PRICKLE2: variants seen among roughly 807,000 people sequenced by gnomAD.
PRICKLE2 encodes prickle-like protein 2.
In PRICKLE2, 21 loss-of-function variants were observed where a neutral mutation model predicts 81.4. That is an observed-to-expected ratio of 0.26 (90% confidence interval 0.18 to 0.37). The LOEUF (loss-of-function observed/expected upper bound fraction) is 0.37, where lower values mean the gene tolerates loss of function less well. Ranked by LOEUF, PRICKLE2 falls within the 10% of genes least tolerant of loss-of-function variation. PRICKLE2 has a pLI of 1.00. For missense variants in PRICKLE2, 940 were observed against 1,109.0 expected, an observed-to-expected ratio of 0.85 and a Z score of 2.16; for synonymous variants, 456 against 421.5, an observed-to-expected ratio of 1.08 and a Z score of -1.00.
intron 2 of PRICKLE2, among the ~76,000 whole-genome samples, chr3:64,180,399 C>T (rs768418372): frequency 2.0e-5 from 3 of 152,156 alleles, no homozygotes; most frequent in Admixed American, 1.3e-4. Flanking sequence ...ACTGCTACCA[C>T]GATCCTTCTC....
chr3:64,204,164 A>G (rs976550241), intron 1 of PRICKLE2, among the ~76,000 whole-genome samples: 7 of 152,168 alleles, frequency 4.6e-5, no homozygotes, highest in Admixed American at 2.0e-4. Context: ...TACAATACAC[A>G]TAACAAGCCT....
At chr3:64,191,612 G>A (rs1456594016) in intron 2 of PRICKLE2, among the ~76,000 whole-genome samples, 2 of 152,222 alleles carry the variant, frequency 1.3e-5, no homozygotes, top group African/African-American at 2.4e-5. Context: ...AGTATTAAAT[G>A]AGACAATGCA....
intron 2 of PRICKLE2, among the ~76,000 whole-genome samples, chr3:64,253,393 T>G (rs1471128045): frequency 3.9e-5 from 6 of 152,124 alleles, no homozygotes; most frequent in Non-Finnish European, 8.8e-5. Context: ...CACACAGCTG[T>G]TCAGACACCT....
chr3:64,206,305 C>G (rs695938), intron 1 of PRICKLE2, among the ~76,000 whole-genome samples: 1 of 152,050 alleles, frequency 6.6e-6, no homozygotes, highest in Non-Finnish European at 1.5e-5. Context: ...GCCTCCTAGT[C>G]AGAAAGGAGT....
At chr3:64,265,269 A>G (rs866360468) in intron 2 of PRICKLE2, among the ~76,000 whole-genome samples, 7 of 152,234 alleles carry the variant, frequency 4.6e-5, no homozygotes, top group Admixed American at 1.3e-4. Flanking sequence ...AAAATATCAA[A>G]GAAACTTTTT....
chr3:64,172,466 T>C (rs2077949741), intron 2 of PRICKLE2, among the ~76,000 whole-genome samples: 1 of 152,248 alleles, frequency 6.6e-6, no homozygotes, highest in Non-Finnish European at 1.5e-5. Flanking sequence ...ATAATGGATG[T>C]AACACTTACC....
intron 2 of PRICKLE2, among the ~76,000 whole-genome samples, chr3:64,176,583 C>A (rs1451500117): frequency 6.6e-6 from 1 of 152,146 alleles, no homozygotes; most frequent in African/African-American, 2.4e-5. Context: ...AGAAAGAATT[C>A]TTTTTGCAAG....
At chr3:64,251,633 G>A (rs1000432148) in intron 2 of PRICKLE2, among the ~76,000 whole-genome samples, 2 of 152,182 alleles carry the variant, frequency 1.3e-5, no homozygotes, top group African/African-American at 4.8e-5. Flanking sequence ...TACAGGGCAG[G>A]GGAGAAGCAT....
intron 2 of PRICKLE2, among the ~76,000 whole-genome samples, chr3:64,192,008 A>T (rs2078351777): frequency 6.6e-6 from 1 of 152,236 alleles, no homozygotes; most frequent in African/African-American, 2.4e-5. Flanking sequence ...CGTTGGCAAG[A>T]TGTCACCCTC....
At chr3:64,185,799 T>C (rs1330191211) in intron 2 of PRICKLE2, among the ~76,000 whole-genome samples, 2 of 152,200 alleles carry the variant, frequency 1.3e-5, no homozygotes, top group African/African-American at 4.8e-5. Flanking sequence ...TATCAACATA[T>C]AATAAATCAC....
chr3:64,219,976 T>G (rs1337168687), intron 1 of PRICKLE2, among the ~76,000 whole-genome samples: 1 of 152,200 alleles, frequency 6.6e-6, no homozygotes, highest in East Asian at 1.9e-4. Flanking sequence ...GCATCTTTCG[T>G]AGCAAACACT....
At chr3:64,161,084 G>A (rs1012441876) in intron 3 of PRICKLE2, among the ~76,000 whole-genome samples, 5 of 151,906 alleles carry the variant, frequency 3.3e-5, no homozygotes, top group African/African-American at 1.2e-4. Flanking sequence ...AGAGATCCCT[G>A]ACGCTCCTAC....
intron 7 of PRICKLE2, chr3:64,104,720 A>G (rs1173102150): frequency 6.6e-6 from 1 of 152,248 alleles, no homozygotes; most frequent in East Asian, 1.9e-4. Context: ...ATCTACTATC[A>G]GTTTCACCTA....
chr3:64,252,317 A>G (rs926791037), intron 2 of PRICKLE2, among the ~76,000 whole-genome samples: 1 of 152,200 alleles, frequency 6.6e-6, no homozygotes, highest in East Asian at 1.9e-4. Flanking sequence ...TTCTCCCAGG[A>G]AAGTTCAAGC....
At chr3:64,185,144 A>G (rs2078201451) in intron 2 of PRICKLE2, among the ~76,000 whole-genome samples, 1 of 152,190 alleles carries the variant, frequency 6.6e-6, no homozygotes, top group Non-Finnish European at 1.5e-5. Context: ...TTTGATCATC[A>G]ACCCTGAGGA....
At chr3:64,136,471 C>G (rs190969213) in intron 7 of PRICKLE2, among the ~76,000 whole-genome samples, 118 of 149,422 alleles carry the variant, frequency 7.9e-4, no homozygotes, top group African/African-American at 2.8e-3. Flanking sequence ...CCTAGATGAA[C>G]GTAGTGTAAG....
At chr3:64,210,486 T>G (rs1575670777) in intron 1 of PRICKLE2, among the ~76,000 whole-genome samples, 1 of 151,960 alleles carries the variant, frequency 6.6e-6, no homozygotes, top group African/African-American at 2.4e-5. Flanking sequence ...GTGTGCTGAG[T>G]GCCAAGACCA....
chr3:64,226,273 G>GAAT (rs2079030459), upstream of PRICKLE2, among the ~76,000 whole-genome samples: 1 of 152,134 alleles, frequency 6.6e-6, no homozygotes, highest in South Asian at 2.1e-4. Flanking sequence ...AGCTTTTGTT[G>GAAT]AATACCTTTG....
chr3:64,099,963 G>T lies in PRICKLE2; in HGVS notation c.1661-38C>A. 1 of 1,606,168 alleles carries T rather than the reference G, an allele frequency of 6.2e-7. No individual in the cohort carries two copies. Among genetic ancestry groups the T allele is most frequent in the East Asian group, 2.2e-5 (1 of 44,824 alleles). ...GGAGGGGACCACAGAGATTAATACA[G>T]ATGTGCAGCAATGGGTATCACTGTC... On this transcript the variant is annotated intron_variant, in intron 7 of 7. Transcript: ENST00000638394. This position sits in a 1 kb window ranked among gnomAD's most constrained non-coding sequence, Gnocchi z 4.3.
Sources: allele counts gnomAD v4.1 joint callset (sites outside exome capture counted in the v4.1 genomes callset), GRCh38; gene constraint gnomAD v4.1.1; non-coding constraint Gnocchi (gnomAD v3.1); transcripts MANE v1.5; gene names NCBI Gene and HGNC (gene_info 2026-07-23, HGNC 2026-07-21).